The following CAMTA1 variants were observed in gnomAD, a reference collection of about 807,000 sequenced individuals.
CAMTA1 encodes calmodulin-binding transcription activator 1.
CAMTA1 carries 27 observed loss-of-function variants against 170.9 expected under a neutral mutation model. That is an observed-to-expected ratio of 0.16 (90% CI 0.12 to 0.22). The LOEUF (loss-of-function observed/expected upper bound fraction) is 0.22. Ranked by LOEUF, CAMTA1 falls within the 10% of genes least tolerant of loss-of-function variation. The pLI is 1.00. For synonymous variants in CAMTA1, 833 were observed against 891.5 expected (o/e 0.93, Z 1.17); for missense variants, 1,619 against 2,217.2 (o/e 0.73, Z 5.42).
chr1:6,953,276 C>G (rs1688825102), intron 3 of CAMTA1, among the ~76,000 whole-genome samples: 1 of 152,200 alleles, frequency 6.6e-6, no homozygotes, highest in Non-Finnish European at 1.5e-5. Flanking sequence ...GTCGAGAGCT[C>G]TCTCTTTTCA....
intron 3 of CAMTA1, among the ~76,000 whole-genome samples, chr1:7,082,710 A>G (rs1640195145): frequency 6.6e-6 from 1 of 151,936 alleles, no homozygotes; most frequent in Admixed American, 6.6e-5. Flanking sequence ...TCCTGCTTTC[A>G]CTTATGCTCT....
At chr1:7,079,574 C>T (rs141217230) in intron 3 of CAMTA1, among the ~76,000 whole-genome samples, 3,283 of 152,038 alleles carry the variant, frequency 0.022, 40 homozygotes, top group Middle Eastern at 0.024. Flanking sequence ...CAGGTTCAAG[C>T]GATTCTTGTG....
chr1:7,341,268 T>G (rs1177813961), intron 5 of CAMTA1, among the ~76,000 whole-genome samples: 2 of 152,136 alleles, frequency 1.3e-5, no homozygotes, highest in African/African-American at 4.8e-5. Context: ...GTGGGGACCA[T>G]GCTGAGGAGT....
At chr1:7,708,502 A>C (rs1461176500) in intron 11 of CAMTA1, among the ~76,000 whole-genome samples, 2 of 152,250 alleles carry the variant, frequency 1.3e-5, no homozygotes, top group African/African-American at 4.8e-5. Context: ...ATTCAAAAAA[A>C]AGAAAAAGAC....
At chr1:7,082,612 T>C (rs1366681299) in intron 3 of CAMTA1, among the ~76,000 whole-genome samples, 2 of 152,234 alleles carry the variant, frequency 1.3e-5, no homozygotes, top group African/African-American at 4.8e-5. Flanking sequence ...CACCTGGCTT[T>C]GAGTTCTGCC....
At chr1:7,576,393 T>C (rs2150363991) in intron 6 of CAMTA1, among the ~76,000 whole-genome samples, 1 of 152,224 alleles carries the variant, frequency 6.6e-6, no homozygotes, top group African/African-American at 2.4e-5. Flanking sequence ...CCCACAGTGA[T>C]GGTATTAGGA....
At chr1:7,009,747 C>T (rs577247828) in intron 3 of CAMTA1, among the ~76,000 whole-genome samples, 1 of 152,344 alleles carries the variant, frequency 6.6e-6, no homozygotes, top group African/African-American at 2.4e-5. Flanking sequence ...ATGAGTTGGT[C>T]CGTGCAGAGC....
intron 4 of CAMTA1, among the ~76,000 whole-genome samples, chr1:7,091,710 G>A (rs1253694470): frequency 1.3e-5 from 2 of 152,150 alleles, no homozygotes; most frequent in South Asian, 2.1e-4. Context: ...CTCTAGAAAC[G>A]TGCTTTGAAA....
intron 6 of CAMTA1, among the ~76,000 whole-genome samples, chr1:7,506,773 C>A (rs2094120879): frequency 6.6e-6 from 1 of 151,672 alleles, no homozygotes; most frequent in Admixed American, 6.6e-5. Context: ...ACACTCAATG[C>A]AAACTCACAT....
intron 3 of CAMTA1, among the ~76,000 whole-genome samples, chr1:6,826,784 A>G (rs1422655447): frequency 6.6e-6 from 1 of 152,200 alleles, no homozygotes; most frequent in East Asian, 1.9e-4. Flanking sequence ...TTGAAACCAG[A>G]AATTGCTTAG....
At chr1:7,232,712 T>C (rs4908608) in intron 4 of CAMTA1, among the ~76,000 whole-genome samples, 104,312 of 151,932 alleles carry the variant, frequency 0.69, 36,810 homozygotes, top group African/African-American at 0.86. Context: ...TCTCCCTTTG[T>C]GGCAGCTACT....
chr1:7,122,019 C>T (rs1226509652), intron 4 of CAMTA1, among the ~76,000 whole-genome samples: 3 of 151,944 alleles, frequency 2.0e-5, no homozygotes, highest in Non-Finnish European at 4.4e-5. Context: ...ATAGGAAAGG[C>T]CCTTGGGAAT....
At chr1:7,640,204 G>T (rs961753542) in intron 6 of CAMTA1, among the ~76,000 whole-genome samples, 196 bp from the exon 7 acceptor site, 2 of 152,124 alleles carry the variant, frequency 1.3e-5, no homozygotes, top group African/African-American at 4.8e-5. Context: ...AGAGGCCAGC[G>T]AGTCTGCTAA....
intron 3 of CAMTA1, among the ~76,000 whole-genome samples, chr1:7,030,323 A>C (rs1028362107): frequency 2.0e-5 from 3 of 152,196 alleles, no homozygotes; most frequent in Non-Finnish European, 4.4e-5. Flanking sequence ...GCATTTTGTC[A>C]CAGCAGTTGT....
chr1:6,991,242 T>C (rs923873669), intron 3 of CAMTA1, among the ~76,000 whole-genome samples: 1 of 152,196 alleles, frequency 6.6e-6, no homozygotes, highest in Non-Finnish European at 1.5e-5. Flanking sequence ...TTTTATTTCT[T>C]TTGGGTAAAT....
At chr1:7,628,957 C>A (rs1002354551) in intron 6 of CAMTA1, among the ~76,000 whole-genome samples, 1 of 152,224 alleles carries the variant, frequency 6.6e-6, no homozygotes, top group Non-Finnish European at 1.5e-5. Context: ...TGTGCTGTTC[C>A]ACCCTCTGTC....
chr1:7,654,964 C>CCACCTATACACACA (rs1232248059), intron 7 of CAMTA1, among the ~76,000 whole-genome samples: 1 of 139,078 alleles, frequency 7.2e-6, no homozygotes, highest in Non-Finnish European at 1.6e-5. Context: ...ACAAACACAC[C>CCACCTATACACACA]CACCTATACA....
intron 5 of CAMTA1, among the ~76,000 whole-genome samples, chr1:7,279,078 G>A (rs1265198040): frequency 6.6e-6 from 1 of 152,166 alleles, no homozygotes. Context: ...AGGAAATGAA[G>A]GGTGGGCAGT....
In CAMTA1 at chr1:6,988,545, A is replaced by G. The variant is rs551805647; in HGVS notation, c.235-102759A>G. The stretch of plus-strand genomic sequence containing the variant: ...CCTGAATGGATTCTAAACTTCTTGT[A>G]ATTACCCTGGAAAGAACCCTAGTAG... On this transcript the variant is annotated intron_variant, in intron 3 of 22. Transcript: ENST00000303635. Among the ~76,000 whole-genome samples, 310 of 152,248 alleles carry G rather than the reference A, an allele frequency of 2.0e-3. 6 individuals are homozygous for G. Among genetic ancestry groups the G allele is most frequent in the Non-Finnish European group, 7.9e-4 (54 of 68,022 alleles).
Sources: gnomAD v4.1 joint callset for allele counts (sites outside exome capture counted in the v4.1 genomes callset) on GRCh38, gnomAD v4.1.1 for gene constraint, MANE v1.5 for transcripts, NCBI Gene and HGNC (gene_info 2026-07-23, HGNC 2026-07-21) for gene names.